XKR4: variants seen among roughly 807,000 people sequenced by gnomAD.
XKR4 encodes the protein XK-related protein 4.
XKR4 carries 12 observed loss-of-function variants against 53.9 expected under a neutral mutation model. The ratio of observed to expected loss-of-function variants is 0.22; its 90% confidence interval spans 0.14 to 0.36. The LOEUF (loss-of-function observed/expected upper bound fraction) is 0.36. XKR4 is among the 10% of genes least tolerant of loss of function. The probability of loss-of-function intolerance (pLI) is 1.00; values close to 1 mark genes in which losing one functional copy is unlikely to be tolerated. For missense variants in XKR4, 799 were observed against 859.5 expected (o/e 0.93, Z 0.88); for synonymous variants, 354 against 362.4 (o/e 0.98, Z 0.26).
At chr8:55,155,566 A>G (rs1816895865) in intron 1 of XKR4, among the ~76,000 whole-genome samples, 1 of 151,390 alleles carries the variant, frequency 6.6e-6, no homozygotes, top group Admixed American at 6.6e-5. Flanking sequence ...AAAAAAAAAA[A>G]GAAGTCGAGG....
intron 1 of XKR4, among the ~76,000 whole-genome samples, chr8:55,290,523 C>T (rs1396367556): frequency 6.6e-6 from 1 of 152,080 alleles, no homozygotes; most frequent in African/African-American, 2.4e-5. Context: ...ATCGACCTGT[C>T]ACCTAGGTAT....
At chr8:55,491,483 G>A (rs1159848755) in intron 2 of XKR4, among the ~76,000 whole-genome samples, 3 of 152,030 alleles carry the variant, frequency 2.0e-5, no homozygotes, top group African/African-American at 4.8e-5. Context: ...TTGATGTTTT[G>A]GGGGCCTCTT....
intron 2 of XKR4, among the ~76,000 whole-genome samples, chr8:55,403,736 C>T (rs1804642979): frequency 6.6e-6 from 1 of 152,246 alleles, no homozygotes; most frequent in Non-Finnish European, 1.5e-5. Flanking sequence ...ACTAGCCTCT[C>T]CCCACCAACT....
chr8:55,358,028 T>A, intron 2 of XKR4, 151 bp downstream of exon 2: 1 of 798,548 alleles, frequency 1.3e-6, no homozygotes, highest in South Asian at 1.9e-5. Flanking sequence ...TGCATGATGT[T>A]TTCCTACCAT....
intron 1 of XKR4, among the ~76,000 whole-genome samples, chr8:55,267,103 C>A (rs1818615108): frequency 6.6e-6 from 1 of 152,178 alleles, no homozygotes; most frequent in East Asian, 1.9e-4. Flanking sequence ...ATAACCAGAG[C>A]ATGAGGATGG....
chr8:55,245,022 C>T (rs1183111981), intron 1 of XKR4, among the ~76,000 whole-genome samples: 1 of 151,846 alleles, frequency 6.6e-6, no homozygotes, highest in Non-Finnish European at 1.5e-5. Flanking sequence ...CTGCCTCAGC[C>T]TCCTGAGTAG....
At chr8:55,154,695 T>C (rs1413619688) in intron 1 of XKR4, among the ~76,000 whole-genome samples, 1 of 152,190 alleles carries the variant, frequency 6.6e-6, no homozygotes, top group African/African-American at 2.4e-5. Flanking sequence ...CAGAGACCTA[T>C]TTATCACAAC....
intron 2 of XKR4, among the ~76,000 whole-genome samples, chr8:55,387,214 T>G (rs1299428670): frequency 6.6e-6 from 1 of 152,220 alleles, no homozygotes; most frequent in African/African-American, 2.4e-5. Context: ...ATTGCTTGTC[T>G]TTGAGGCTGC....
chr8:55,268,875 A>T (rs144375375), intron 1 of XKR4, among the ~76,000 whole-genome samples: 125 of 152,352 alleles, frequency 8.2e-4, no homozygotes, highest in African/African-American at 2.9e-3. Context: ...CTGAAGAAAT[A>T]TTCAAAGCCC....
intron 2 of XKR4, among the ~76,000 whole-genome samples, chr8:55,391,454 T>C (rs1336761079): frequency 6.6e-6 from 1 of 152,124 alleles, no homozygotes; most frequent in Non-Finnish European, 1.5e-5. Flanking sequence ...GAGAAAGAAA[T>C]CTGTGTTCCA....
intron 2 of XKR4, among the ~76,000 whole-genome samples, chr8:55,405,213 C>T (rs1804665225): frequency 6.6e-6 from 1 of 152,178 alleles, no homozygotes; most frequent in African/African-American, 2.4e-5. Flanking sequence ...AGTATTGTCA[C>T]AGTTGAATTG....
intron 2 of XKR4, among the ~76,000 whole-genome samples, chr8:55,358,092 C>T (rs988361723): frequency 1.3e-5 from 2 of 152,062 alleles, no homozygotes; most frequent in Non-Finnish European, 2.9e-5. Flanking sequence ...CTCCAGCTGT[C>T]CTCTTAGTAG....
chr8:55,417,728 ATC>A (rs1311971226), intron 2 of XKR4, among the ~76,000 whole-genome samples: 2 of 152,204 alleles, frequency 1.3e-5, no homozygotes. Flanking sequence ...TATCATCATT[ATC>A]TGTTAACCGC....
At chr8:55,181,910 T>C (rs1310908285) in intron 1 of XKR4, among the ~76,000 whole-genome samples, 1 of 152,238 alleles carries the variant, frequency 6.6e-6, no homozygotes, top group African/African-American at 2.4e-5. Context: ...TATCTTGATT[T>C]CCATAATGCT....
chr8:55,468,476 A>G (rs906525621), intron 2 of XKR4, among the ~76,000 whole-genome samples: 4 of 151,972 alleles, frequency 2.6e-5, no homozygotes, highest in Non-Finnish European at 5.9e-5. Flanking sequence ...TTAATATGGG[A>G]CCTAAAACAT....
Position 55,523,349 on chromosome 8 carries a change from G to A in XKR4, c.1075G>A (p.Asp359Asn). The change falls in exon 3 of 3, where the codon GAC (aspartate) becomes AAC (asparagine). Residue 359 changes from aspartate to asparagine, a missense_variant. Around this residue, in one of 3 missense-constraint regions of XKR4, gnomAD observed 476 missense variants for 505.4 expected, o/e 0.94. Coordinates refer to ENST00000327381, the MANE Select transcript of XKR4 (RefSeq NM_052898.2). Reference protein sequence around the residue: ...ALASYQKALRDSRDDKKPISY... With the variant: ...ALASYQKALRNSRDDKKPISY... ...GGCCTCCTACCAGAAGGCCCTCCGG[G>A]ACTCTCGAGATGACAAGAAGCCCAT... 2 of 1,614,148 alleles carry A rather than the reference G, an allele frequency of 1.2e-6. No homozygotes were observed. Among genetic ancestry groups the A allele is most frequent in the South Asian group, 1.1e-5 (1 of 91,076 alleles).
intron 2 of XKR4, among the ~76,000 whole-genome samples, chr8:55,411,609 G>C (rs565046958): frequency 6.6e-6 from 1 of 152,342 alleles, no homozygotes; most frequent in Admixed American, 6.5e-5. Flanking sequence ...TTGTGGAAAA[G>C]AGATGAGTGA....
At chr8:55,335,736 C>A (rs1803450495) in intron 1 of XKR4, among the ~76,000 whole-genome samples, 2 of 151,948 alleles carry the variant, frequency 1.3e-5, no homozygotes, top group South Asian at 2.1e-4. Context: ...AACTACTTGG[C>A]AATAAAAAGA....
chr8:55,285,568 T>C (rs557747807), intron 1 of XKR4, among the ~76,000 whole-genome samples: 1 of 152,264 alleles, frequency 6.6e-6, no homozygotes, highest in Non-Finnish European at 1.5e-5. Context: ...AAAAATGATA[T>C]ATTTAGAGCA....
Sources: allele counts gnomAD v4.1 joint callset (sites outside exome capture counted in the v4.1 genomes callset), GRCh38; gene constraint gnomAD v4.1.1; regional missense constraint gnomAD v4.1.1; transcripts MANE v1.5; gene names NCBI Gene and HGNC (gene_info 2026-07-23, HGNC 2026-07-21).